Variants in PRKCA observed in about 807,000 individuals in gnomAD.
PRKCA encodes the protein protein kinase C alpha.
A neutral mutation model predicts 87.0 loss-of-function variants in PRKCA; 27 were observed. The ratio of observed to expected loss-of-function variants is 0.31; its 90% CI spans 0.23 to 0.43. The LOEUF (loss-of-function observed/expected upper bound fraction) is 0.43, where lower values mean the gene tolerates loss of function less well. Among genes scored for constraint, PRKCA ranks in the 20% least tolerant of loss-of-function variants. PRKCA has a pLI of 1.00. For synonymous variants in PRKCA, 329 were observed against 311.1 expected, an observed-to-expected ratio of 1.06 and a Z score of -0.61; for missense variants, 518 against 852.3, an observed-to-expected ratio of 0.61 and a Z score of 4.88.
At chr17:66,335,638 T>C (rs1266552441) in intron 2 of PRKCA, among the ~76,000 whole-genome samples, 1 of 152,196 alleles carries the variant, frequency 6.6e-6, no homozygotes, top group African/African-American at 2.4e-5. Flanking sequence ...TATTAAATTG[T>C]ATGTTATTGC....
intron 8 of PRKCA, among the ~76,000 whole-genome samples, chr17:66,711,418 C>T (rs1007815166): frequency 6.6e-6 from 1 of 152,146 alleles, no homozygotes; most frequent in Non-Finnish European, 1.5e-5. Flanking sequence ...CATTTTTTCT[C>T]ATTTTTTAAT....
intron 3 of PRKCA, among the ~76,000 whole-genome samples, chr17:66,593,954 G>A (rs918065099): frequency 3.9e-5 from 6 of 152,136 alleles, no homozygotes; most frequent in Non-Finnish European, 7.4e-5. Context: ...GCATGGTGGC[G>A]GCTGCCTGTA....
At chr17:66,346,614 T>C (rs1391543791) in intron 2 of PRKCA, among the ~76,000 whole-genome samples, 1 of 152,134 alleles carries the variant, frequency 6.6e-6, no homozygotes, top group Non-Finnish European at 1.5e-5. Context: ...ACAAAGTATA[T>C]GTTTTAAAAA....
At chr17:66,566,828 G>GT (rs1434637050) in intron 3 of PRKCA, among the ~76,000 whole-genome samples, 2 of 152,126 alleles carry the variant, frequency 1.3e-5, no homozygotes, top group Non-Finnish European at 2.9e-5. Flanking sequence ...CAGCCTCCGA[G>GT]TAAGTCCAAG....
At chr17:66,303,271 G>A (rs1904616364) in intron 1 of PRKCA, among the ~76,000 whole-genome samples, 2 of 152,000 alleles carry the variant, frequency 1.3e-5, no homozygotes, top group Non-Finnish European at 2.9e-5. Context: ...GTACGGTGGC[G>A]AAGGGGATCC....
chr17:66,585,010 CAG>C, intron 3 of PRKCA, among the ~76,000 whole-genome samples: 1 of 151,324 alleles, frequency 6.6e-6, no homozygotes. Flanking sequence ...CTCTCTCCTT[CAG>C]AGAGAGAGGG....
At chr17:66,692,728 A>G (rs986384189) in intron 8 of PRKCA, among the ~76,000 whole-genome samples, 1 of 152,158 alleles carries the variant, frequency 6.6e-6, no homozygotes, top group Non-Finnish European at 1.5e-5. Context: ...ACTAACTGCC[A>G]TTCTAACTTG....
chr17:66,687,086 T>C (rs1972650042), intron 5 of PRKCA, 25 bp from the exon 6 acceptor site: 31 of 1,586,996 alleles, frequency 2.0e-5, no homozygotes, highest in Non-Finnish European at 2.7e-5. Flanking sequence ...CTTTTTGTAA[T>C]ATTTTCTTCC....
intron 13 of PRKCA, among the ~76,000 whole-genome samples, chr17:66,754,661 C>A (rs1264419554): frequency 3.9e-5 from 6 of 152,098 alleles, no homozygotes; most frequent in Non-Finnish European, 5.9e-5. Flanking sequence ...TGTTTGATTT[C>A]TTTGACGTAA....
intron 2 of PRKCA, among the ~76,000 whole-genome samples, chr17:66,347,341 AGT>A (rs1398482075): frequency 6.6e-6 from 1 of 152,150 alleles, no homozygotes; most frequent in East Asian, 1.9e-4. Context: ...TTTTGGTTGA[AGT>A]GTATGTCTAA....
chr17:66,609,501 C>T (rs1970293681), intron 3 of PRKCA, among the ~76,000 whole-genome samples: 3 of 152,188 alleles, frequency 2.0e-5, no homozygotes, highest in South Asian at 2.1e-4. Context: ...TCAGTCCTGT[C>T]GGTCTGACTT....
At chr17:66,456,834 G>T (rs1199745934) in intron 2 of PRKCA, among the ~76,000 whole-genome samples, 1 of 152,220 alleles carries the variant, frequency 6.6e-6, no homozygotes, top group Non-Finnish European at 1.5e-5. Flanking sequence ...GCCCGTACTA[G>T]CCTTGGAGGA....
chr17:66,587,523 A>G (rs1371800616), intron 3 of PRKCA, among the ~76,000 whole-genome samples: 2 of 151,958 alleles, frequency 1.3e-5, no homozygotes, highest in African/African-American at 4.8e-5. Flanking sequence ...CGTTTTCCTA[A>G]TGGAGGACAG....
At chr17:66,570,958 C>T (rs765533443) in intron 3 of PRKCA, among the ~76,000 whole-genome samples, 2 of 152,202 alleles carry the variant, frequency 1.3e-5, no homozygotes, top group Non-Finnish European at 2.9e-5. Context: ...ATCACATCCA[C>T]CCACCTCTAA....
chr17:66,667,873 C>T (rs1972080493), intron 5 of PRKCA, among the ~76,000 whole-genome samples: 1 of 152,180 alleles, frequency 6.6e-6, no homozygotes, highest in Non-Finnish European at 1.5e-5. Flanking sequence ...ATTGCGGTAA[C>T]CAGTTGGTAA....
At chr17:66,765,454 A>ATATATATATATATATC (rs1218360664) in intron 13 of PRKCA, among the ~76,000 whole-genome samples, 39 of 130,068 alleles carry the variant, frequency 3.0e-4, no homozygotes, top group East Asian at 2.2e-3. Context: ...ATATATATAT[A>ATATATATATATATATC]TCCATATATA....
At chr17:66,406,121 A>G (rs551541788) in intron 2 of PRKCA, among the ~76,000 whole-genome samples, 84 of 152,282 alleles carry the variant, frequency 5.5e-4, no homozygotes, top group African/African-American at 1.9e-3. Context: ...CCAGTTTCCA[A>G]ACACACCCCG....
chr17:66,345,251 G>A (rs1907289698), intron 2 of PRKCA, among the ~76,000 whole-genome samples: 1 of 151,936 alleles, frequency 6.6e-6, no homozygotes, highest in African/African-American at 2.4e-5. Context: ...TCCTACACCA[G>A]TTTTCTAGCT....
At chr17:66,697,732 T>C (rs1172570424) in intron 8 of PRKCA, among the ~76,000 whole-genome samples, 1 of 152,156 alleles carries the variant, frequency 6.6e-6, no homozygotes, top group African/African-American at 2.4e-5. Flanking sequence ...ACAGACTCCA[T>C]CAGGAAGCCC....
Sources: allele counts gnomAD v4.1 joint callset (sites outside exome capture counted in the v4.1 genomes callset), GRCh38; gene constraint gnomAD v4.1.1; transcripts MANE v1.5; gene names NCBI Gene and HGNC (gene_info 2026-07-23, HGNC 2026-07-21).